MARCHF1: variants seen among roughly 807,000 people sequenced by gnomAD.
The protein encoded by MARCHF1 is E3 ubiquitin-protein ligase MARCHF1.
MARCHF1 carries 40 observed loss-of-function variants against 54.2 expected under a neutral mutation model. That is an observed-to-expected ratio of 0.74 (90% CI 0.57 to 0.96). The LOEUF (loss-of-function observed/expected upper bound fraction) is 0.96. MARCHF1 is among the 40% of genes least tolerant of loss of function. MARCHF1 has a pLI of 0.00. For missense variants in MARCHF1, 586 were observed against 656.5 expected (o/e 0.89, Z 1.17); for synonymous variants, 236 against 236.3 (o/e 1.00, Z 0.01).
intron 1 of MARCHF1, among the ~76,000 whole-genome samples, chr4:164,163,507 T>C (rs1401206195): frequency 1.3e-5 from 2 of 151,562 alleles, no homozygotes; most frequent in East Asian, 1.9e-4. Flanking sequence ...AATACCAGAA[T>C]AGAAAACCAA....
intron 1 of MARCHF1, among the ~76,000 whole-genome samples, chr4:164,205,668 T>C (rs952632458): frequency 6.6e-6 from 1 of 152,150 alleles, no homozygotes; most frequent in Non-Finnish European, 1.5e-5. Context: ...TTGCTAGAAA[T>C]TTGAAATATT....
intron 5 of MARCHF1, among the ~76,000 whole-genome samples, chr4:163,662,509 A>G (rs565202078): frequency 6.6e-6 from 1 of 152,050 alleles, no homozygotes; most frequent in Non-Finnish European, 1.5e-5. Context: ...ATCCAAGCAC[A>G]TTCCTTTCTA....
chr4:164,168,825 G>T (rs1730449539), intron 1 of MARCHF1, among the ~76,000 whole-genome samples: 1 of 151,962 alleles, frequency 6.6e-6, no homozygotes, highest in African/African-American at 2.4e-5. Context: ...CTGTTAACTG[G>T]AATCCAATAA....
chr4:163,531,182 A>G (rs1208759298), intron 9 of MARCHF1, among the ~76,000 whole-genome samples: 1 of 151,898 alleles, frequency 6.6e-6, no homozygotes, highest in Non-Finnish European at 1.5e-5. Context: ...AATTACTATG[A>G]AGAAAAGTTA....
chr4:164,379,041 CTAAAAT>C (rs1731284418), intron 1 of MARCHF1, among the ~76,000 whole-genome samples: 4 of 151,994 alleles, frequency 2.6e-5, no homozygotes, highest in African/African-American at 9.7e-5. Context: ...TATACAATAA[CTAAAAT>C]TAAGAGTAAA....
At position 164,268,845 on chromosome 4, in the gene MARCHF1, T is replaced by C. The variant is rs562135187; in HGVS notation, c.-323+115025A>G. Among the ~76,000 whole-genome samples, 3 of 152,220 alleles carry C rather than the reference T, an allele frequency of 2.0e-5. No homozygotes were observed. The South Asian group carries it at 6.2e-4, about 32-fold the overall frequency. On this transcript the variant is annotated intron_variant, in intron 1 of 9. Transcript: ENST00000514618. ...CAGTTGTTCAGTTCTCACTGTTATT[T>C]GAAGAAAAAAGCAATAAGAAGCCTC...
At chr4:164,185,289 G>T (rs185967659) in intron 1 of MARCHF1, among the ~76,000 whole-genome samples, 1 of 152,222 alleles carries the variant, frequency 6.6e-6, no homozygotes, top group Admixed American at 6.5e-5. Flanking sequence ...GATAAACATT[G>T]TAACACACAT....
rs549289673 is a variant in MARCHF1 at position 164,170,938 on chromosome 4, G to A, written c.-322-59276C>T. Among the ~76,000 whole-genome samples, 12 of 152,106 alleles carry A rather than the reference G, an allele frequency of 7.9e-5. No individual in the cohort carries two copies. The East Asian group carries it at 2.3e-3, about 29-fold the overall frequency. ...CATGAGTAATTATGACGGCTCCTATGTATGTTAACAAAGGCATCAAAGAAA... is the reference window on the plus strand; with the variant it reads ...CATGAGTAATTATGACGGCTCCTATATATGTTAACAAAGGCATCAAAGAAA... On this transcript the variant is annotated intron_variant, in intron 1 of 9. Transcript: ENST00000514618.
chr4:163,577,826 C>G (rs1481283231), intron 8 of MARCHF1, among the ~76,000 whole-genome samples: 3 of 151,770 alleles, frequency 2.0e-5, no homozygotes, highest in African/African-American at 7.3e-5. Context: ...GTTCAAAAGA[C>G]CAGTATTCAA....
intron 2 of MARCHF1, among the ~76,000 whole-genome samples, chr4:164,068,780 C>G (rs1419171627): frequency 4.6e-5 from 7 of 152,224 alleles, no homozygotes; most frequent in Non-Finnish European, 1.0e-4. Flanking sequence ...ACCTGCGGCC[C>G]TGGTGAGGGA....
chr4:163,740,886 G>A (rs532824933), intron 4 of MARCHF1, among the ~76,000 whole-genome samples: 1 of 152,280 alleles, frequency 6.6e-6, no homozygotes, highest in East Asian at 1.9e-4. Flanking sequence ...ACATTTTTAT[G>A]TCATCTGCTG....
intron 1 of MARCHF1, among the ~76,000 whole-genome samples, chr4:164,363,551 A>G (rs149326723): frequency 1.3e-4 from 20 of 152,244 alleles, no homozygotes; most frequent in Middle Eastern, 3.4e-3. Flanking sequence ...ACAGGACCCT[A>G]CGAGTAGAAA....
intron 1 of MARCHF1, among the ~76,000 whole-genome samples, chr4:164,279,588 A>T (rs1733973575): frequency 6.6e-6 from 1 of 151,722 alleles, no homozygotes; most frequent in Non-Finnish European, 1.5e-5. Context: ...TATGCTAATT[A>T]TCCTGATTTG....
At chr4:163,771,210 G>A (rs74406077) in intron 4 of MARCHF1, among the ~76,000 whole-genome samples, 3,635 of 152,264 alleles carry the variant, frequency 0.024, 64 homozygotes, top group East Asian at 0.073. Flanking sequence ...CAGGGGCAGT[G>A]CTATTGGCAT....
At chr4:164,101,194 C>A (rs552155510) in intron 2 of MARCHF1, among the ~76,000 whole-genome samples, 2 of 152,340 alleles carry the variant, frequency 1.3e-5, no homozygotes, top group East Asian at 3.9e-4. Flanking sequence ...GGAGGGGCAC[C>A]CGCCATTGCC....
intron 1 of MARCHF1, among the ~76,000 whole-genome samples, chr4:164,362,424 T>C (rs914613908): frequency 6.6e-6 from 1 of 151,884 alleles, no homozygotes; most frequent in African/African-American, 2.4e-5. Flanking sequence ...GTCCAGGGGG[T>C]ACATGATTAT....
intron 1 of MARCHF1, among the ~76,000 whole-genome samples, chr4:164,177,183 G>C (rs1301807765): frequency 6.6e-6 from 1 of 151,292 alleles, no homozygotes. Context: ...TGTACCTCTG[G>C]CATCTGGAAC....
intron 1 of MARCHF1, among the ~76,000 whole-genome samples, chr4:164,181,774 ATCT>A (rs1188766232): frequency 9.9e-5 from 15 of 152,120 alleles, no homozygotes; most frequent in Non-Finnish European, 1.9e-4. Context: ...TAGATTTATG[ATCT>A]TCTTTTTATA....
At chr4:163,778,111 A>G (rs988598406) in intron 4 of MARCHF1, among the ~76,000 whole-genome samples, 1 of 152,190 alleles carries the variant, frequency 6.6e-6, no homozygotes, top group African/African-American at 2.4e-5. Context: ...GCACCTATTT[A>G]TTGCTAAGCA....
Sources: gnomAD v4.1 joint callset for allele counts (sites outside exome capture counted in the v4.1 genomes callset) on GRCh38, gnomAD v4.1.1 for gene constraint, MANE v1.5 for transcripts, NCBI Gene and HGNC (gene_info 2026-07-23, HGNC 2026-07-21) for gene names.